PIP4K2A: variants seen among roughly 807,000 people sequenced by gnomAD.
PIP4K2A encodes phosphatidylinositol-5-phosphate 4-kinase type 2 alpha.
PIP4K2A carries 14 observed loss-of-function variants against 42.9 expected under a neutral mutation model. The ratio of observed to expected loss-of-function variants is 0.33; its 90% CI spans 0.22 to 0.51. The LOEUF (loss-of-function observed/expected upper bound fraction) is 0.51, where lower values mean the gene tolerates loss of function less well. Among genes scored for constraint, PIP4K2A ranks in the 20% least tolerant of loss-of-function variants. PIP4K2A has a pLI of 0.97. For missense variants in PIP4K2A, 434 were observed against 519.8 expected (o/e 0.83, Z 1.61); for synonymous variants, 192 against 192.2 (o/e 1.00, Z 0.01).
chr10:22,672,069 T>C (rs1253955965), intron 1 of PIP4K2A, among the ~76,000 whole-genome samples: 6 of 152,238 alleles, frequency 3.9e-5, no homozygotes. Context: ...TATCATAACC[T>C]GAAGCACTGG....
At chr10:22,706,457 C>G (rs1156920747) in intron 1 of PIP4K2A, among the ~76,000 whole-genome samples, 1 of 152,226 alleles carries the variant, frequency 6.6e-6, no homozygotes, top group East Asian at 1.9e-4. Context: ...AAATGCTCTT[C>G]TCCCAAACTG....
At chr10:22,678,284 A>C (rs1304421613) in intron 1 of PIP4K2A, among the ~76,000 whole-genome samples, 2 of 152,036 alleles carry the variant, frequency 1.3e-5, no homozygotes, top group African/African-American at 4.8e-5. Context: ...AGGTTCATAC[A>C]CCAGCAGATA....
intron 1 of PIP4K2A, chr10:22,693,957 T>C (rs900120468): frequency 5.3e-5 from 8 of 152,088 alleles, no homozygotes; most frequent in Non-Finnish European, 8.8e-5. Context: ...CTTATCTGAG[T>C]ATGCGGAGCC....
rs1588650629 is a variant in PIP4K2A at position 22,594,679 on chromosome 10, C to T, written c.340-2898G>A. Among the ~76,000 whole-genome samples the T allele has an allele frequency of 5.9e-5, 9 of 152,338 alleles. 1 individual carries two copies. In the South Asian group the frequency reaches 1.9e-3, roughly 32 times the overall value. On this transcript the variant is annotated intron_variant, in intron 3 of 9. Transcript: ENST00000376573. Reference sequence around the variant, plus strand: ...CCTCCCAAAGTGCTGGGATTACAGGCATGAGCCACCATGCCCAGCGCAACA... The same window carrying T: ...CCTCCCAAAGTGCTGGGATTACAGGTATGAGCCACCATGCCCAGCGCAACA...
At chr10:22,539,922 AGAGAGAGAGG>A (rs754471612) in intron 9 of PIP4K2A, 39 bp downstream of exon 9, 308 of 981,312 alleles carry the variant, frequency 3.1e-4, no homozygotes, top group Non-Finnish European at 4.3e-4. Context: ...GGAGAGAGAG[AGAGAGAGAGG>A]GAGAGAAAGA....
chr10:22,568,535 G>A (rs527974370), intron 5 of PIP4K2A, among the ~76,000 whole-genome samples: 1 of 152,238 alleles, frequency 6.6e-6, no homozygotes, highest in South Asian at 2.1e-4. Context: ...TTTGTGCCAG[G>A]CCCTATGCTG....
At chr10:22,622,477 C>T (rs1208563404) in intron 1 of PIP4K2A, among the ~76,000 whole-genome samples, 3 of 152,228 alleles carry the variant, frequency 2.0e-5, no homozygotes, top group African/African-American at 7.2e-5. Flanking sequence ...GCTCTGAGGC[C>T]TGGGCCCTCT....
intron 1 of PIP4K2A, among the ~76,000 whole-genome samples, chr10:22,686,234 C>A (rs1469166530): frequency 6.6e-6 from 1 of 152,198 alleles, no homozygotes; most frequent in Non-Finnish European, 1.5e-5. Context: ...ACAACTTGAA[C>A]TCCTAGATAG....
At chr10:22,575,216 T>C (rs146994080) in intron 4 of PIP4K2A, among the ~76,000 whole-genome samples, 1 of 152,324 alleles carries the variant, frequency 6.6e-6, no homozygotes, top group East Asian at 1.9e-4. Context: ...CATTCAAAAC[T>C]CTGTTAAGAA....
At chr10:22,590,459 A>C (rs1254641045) in intron 4 of PIP4K2A, among the ~76,000 whole-genome samples, 1 of 152,204 alleles carries the variant, frequency 6.6e-6, no homozygotes, top group African/African-American at 2.4e-5. Context: ...TTGAGTATCT[A>C]GTGTGTGACA....
chr10:22,685,274 G>A (rs527320337), intron 1 of PIP4K2A, among the ~76,000 whole-genome samples: 1 of 152,154 alleles, frequency 6.6e-6, no homozygotes, highest in South Asian at 2.1e-4. Flanking sequence ...CAATGTTTTG[G>A]ACATTTAGCA....
intron 1 of PIP4K2A, among the ~76,000 whole-genome samples, chr10:22,712,101 C>T (rs1048928756): frequency 6.6e-6 from 1 of 152,172 alleles, no homozygotes; most frequent in Non-Finnish European, 1.5e-5. Context: ...CTTCACTCCT[C>T]TGGTTGTGGA....
chr10:22,689,603 G>C (rs527934888), intron 1 of PIP4K2A, among the ~76,000 whole-genome samples: 1 of 152,114 alleles, frequency 6.6e-6, no homozygotes, highest in South Asian at 2.1e-4. Flanking sequence ...TTTGTATCAG[G>C]GACTTGAGCA....
Position 22,625,767 on chromosome 10 carries a change from G to C in PIP4K2A, c.145-16050C>G, listed in dbSNP as rs74422497. Among the ~76,000 whole-genome samples, 953 of 152,308 alleles carry C rather than the reference G, an allele frequency of 6.3e-3. 1 individual carries two copies. The highest frequency in any genetic ancestry group is 9.5e-3 in the Non-Finnish European group (648 of 68,028). On this transcript the variant is annotated intron_variant, in intron 1 of 9. Coordinates refer to ENST00000376573, the MANE Select transcript of PIP4K2A (RefSeq NM_005028.5). The stretch of plus-strand genomic sequence containing the variant: ...GCAGGGCCACGACAACAGCATTCAC[G>C]CTTAGCCACAGCAATATCATGTTTT...
At chr10:22,572,535 G>A (rs1411665518) in intron 5 of PIP4K2A, among the ~76,000 whole-genome samples, 1 of 152,046 alleles carries the variant, frequency 6.6e-6, no homozygotes, top group Non-Finnish European at 1.5e-5. Context: ...AGCCAGTGGG[G>A]CAGAGGTTGC....
chr10:22,582,891 TAAAAA>T lies in PIP4K2A; in HGVS notation c.492+8733_492+8737del, dbSNP rs57477195. Among the ~76,000 whole-genome samples the T allele has an allele frequency of 3.2e-3, 381 of 118,650 alleles. 2 individuals are homozygous for T. Among genetic ancestry groups the T allele is most frequent in the African/African-American group, 0.011 (360 of 32,306 alleles). 77.8% of individuals were successfully genotyped at this position (118,650 alleles called of 152,430 possible). A position where few individuals can be genotyped will look rare whatever the true frequency, so the allele number is the denominator to read the frequency against. On this transcript the variant is annotated intron_variant, in intron 4 of 9. Transcript: ENST00000376573. Reference sequence around the variant, plus strand: ...AATTTGATTTCAAATCGTCTTGAAGTAAAAAAAAAAAAAAAAAAAAAGTAAGGATG... The same window carrying T: ...AATTTGATTTCAAATCGTCTTGAAGTAAAAAAAAAAAAAAAAGTAAGGATG...
chr10:22,641,583 A>C (rs1364608414), intron 1 of PIP4K2A, among the ~76,000 whole-genome samples: 2 of 151,834 alleles, frequency 1.3e-5, no homozygotes, highest in African/African-American at 4.8e-5. Context: ...CTGGGACTAC[A>C]GGTACGTGCA....
At chr10:22,544,166 G>A (rs973714155) in intron 7 of PIP4K2A, among the ~76,000 whole-genome samples, 1 of 152,178 alleles carries the variant, frequency 6.6e-6, no homozygotes, top group African/African-American at 2.4e-5. Context: ...TCTCCGGAGG[G>A]TTAGGTGGCC....
Position 22,536,724 on chromosome 10 carries a change from A to AAAAAACAAAAAAAACAAAAC in PIP4K2A, c.*476_*477insGTTTTGTTTTTTTTGTTTTT, listed in dbSNP as rs1835931564. The stretch of plus-strand genomic sequence containing the variant: ...CACATCTTTCAACTCCAAAAAAAAA[A>AAAAAACAAAAAAAACAAAAC]AAAAAAAAAAAAAACTGATCCACAG... On this transcript the variant is annotated 3_prime_UTR_variant, in exon 10 of 10. Transcript: ENST00000376573. 1.5e-5 allele frequency: 2 copies of AAAAAACAAAAAAAACAAAAC among 136,824 alleles called. No individual in the cohort carries two copies. The highest frequency in any genetic ancestry group is 3.3e-5 in the Non-Finnish European group (2 of 61,240). The allele number at this position is 136,824 out of a possible 1,614,324, so 8.5% of individuals were successfully genotyped here.
Sources: allele counts gnomAD v4.1 joint callset (sites outside exome capture counted in the v4.1 genomes callset), GRCh38; gene constraint gnomAD v4.1.1; transcripts MANE v1.5; gene names NCBI Gene and HGNC (gene_info 2026-07-23, HGNC 2026-07-21).